Variants in NFIC observed in about 807,000 individuals in gnomAD.
NFIC encodes nuclear factor 1 C-type.
NFIC carries 12 observed loss-of-function variants against 54.4 expected under a neutral mutation model. The observed-to-expected ratio is 0.22, with a 90% CI of 0.14 to 0.36. NFIC has a LOEUF of 0.36. Ranked by LOEUF, NFIC falls within the 10% of genes least tolerant of loss-of-function variation. The pLI, the probability that NFIC is intolerant of heterozygous loss-of-function variation, is 1.00. For synonymous variants in NFIC, 322 were observed against 319.2 expected, an observed-to-expected ratio of 1.01 and a Z score of -0.09; for missense variants, 575 against 718.2, an observed-to-expected ratio of 0.80 and a Z score of 2.28.
chr19:3,378,457 G>C (rs1189007646), intron 1 of NFIC, among the ~76,000 whole-genome samples: 1 of 152,160 alleles, frequency 6.6e-6, no homozygotes, highest in Non-Finnish European at 1.5e-5. Context: ...AATGGGAGGG[G>C]CCTCCCCACA....
chr19:3,394,523 A>C (rs57097974), intron 2 of NFIC, among the ~76,000 whole-genome samples: 7,884 of 49,410 alleles, frequency 0.16, 236 homozygotes, highest in Admixed American at 0.17. Context: ...TTCCCCACCC[A>C]CCCCCCACCC....
chr19:3,368,454 A>T (rs2145427056), intron 1 of NFIC, among the ~76,000 whole-genome samples: 1 of 152,314 alleles, frequency 6.6e-6, no homozygotes, highest in African/African-American at 2.4e-5. Context: ...TGTCTGTGGA[A>T]ACCAAAAAAC....
intron 2 of NFIC, among the ~76,000 whole-genome samples, chr19:3,405,147 C>T (rs551959411): frequency 6.6e-6 from 1 of 152,326 alleles, no homozygotes; most frequent in Admixed American, 6.5e-5. Context: ...CCAGGCGGCC[C>T]GGCGGCAGGG....
Position 3,459,050 on chromosome 19 carries a change from T to TC in NFIC, c.1509+2419dup, listed in dbSNP as rs2082602432. On this transcript the variant is annotated intron_variant, in intron 10 of 10. Transcript: ENST00000443272. This position sits in a 1 kb window ranked among gnomAD's most constrained non-coding sequence, Gnocchi z 4.2. Reference sequence around the variant, plus strand: ...GGGAAGAAGCAGTGAGATCCCGCTCTCCCCTCTCCCAGCTCCCGCTCAAAG... The same window carrying TC: ...GGGAAGAAGCAGTGAGATCCCGCTCTCCCCCTCTCCCAGCTCCCGCTCAAAG... Among the ~76,000 whole-genome samples, 1 of 151,958 alleles carries TC rather than the reference T, an allele frequency of 6.6e-6. No homozygotes were observed. Among genetic ancestry groups the TC allele is most frequent in the African/African-American group, 2.4e-5 (1 of 41,336 alleles).
At chr19:3,455,981 C>T (rs1307640344) in intron 9 of NFIC, among the ~76,000 whole-genome samples, 1 of 152,170 alleles carries the variant, frequency 6.6e-6, no homozygotes, top group East Asian at 1.9e-4. Flanking sequence ...AGCTTCTTCT[C>T]CCCCTACCTG....
In NFIC at chr19:3,459,454, C is replaced by A. The variant is rs1006751448; in HGVS notation, c.1509+2819C>A. 4.7e-5 allele frequency among the ~76,000 whole-genome samples: 7 copies of A among 150,294 alleles called. No individual in the cohort carries two copies. Among genetic ancestry groups the A allele is most frequent in the African/African-American group, 1.5e-4 (6 of 39,636 alleles). ...AACCCACGTAAGCAGCTGGGTAAAC[C>A]GAGGGTGGGGGGCAAGGCGGGCATT... On this transcript the variant is annotated intron_variant, in intron 10 of 10. Coordinates refer to ENST00000443272, the MANE Select transcript of NFIC (RefSeq NM_001245002.2). The surrounding 1 kb of genome is among the most constrained non-coding windows in gnomAD (Gnocchi z 4.2).
intron 2 of NFIC, among the ~76,000 whole-genome samples, chr19:3,422,485 A>G (rs1471109474): frequency 6.6e-6 from 1 of 151,464 alleles, no homozygotes; most frequent in African/African-American, 2.4e-5. Context: ...TGGGAGGCCG[A>G]GGCGGGCGGA....
At chr19:3,428,220 G>A (rs1461173062) in intron 3 of NFIC, among the ~76,000 whole-genome samples, 2 of 151,288 alleles carry the variant, frequency 1.3e-5, no homozygotes, top group East Asian at 1.9e-4. Context: ...GGGCCAGGGC[G>A]CAGTGGCTTA....
intron 5 of NFIC, 46 bp downstream of exon 5, chr19:3,434,446 A>C: frequency 6.5e-7 from 1 of 1,548,256 alleles, no homozygotes; most frequent in Non-Finnish European, 8.7e-7. Context: ...GACCCCATTC[A>C]TCAACCCATC....
At position 3,467,862 on chromosome 19, in the gene NFIC, G is replaced by A. The variant is rs192998513; in HGVS notation, c.*5093G>A. ...GTATCTTGGTCTGGATTCTCTCTCT[G>A]AGACCCCGGATTTTACTTTCTCTTT... On this transcript the variant is annotated 3_prime_UTR_variant, in exon 11 of 11. Coordinates refer to ENST00000443272, the MANE Select transcript of NFIC (RefSeq NM_001245002.2). 1 of 147,452 alleles carries A rather than the reference G, an allele frequency of 6.8e-6. No homozygotes were observed. The highest frequency in any genetic ancestry group is 2.5e-5 in the African/African-American group (1 of 39,308). 9.1% of individuals were successfully genotyped at this position (147,452 alleles called of 1,614,324 possible). A position where few individuals can be genotyped will look rare whatever the true frequency, so the allele number is the denominator to read the frequency against.
chr19:3,381,655 G>A, intron 1 of NFIC, 57 bp from the exon 2 acceptor site: 1 of 1,576,008 alleles, frequency 6.3e-7, no homozygotes, highest in Non-Finnish European at 8.6e-7. Flanking sequence ...GGGCCGGGCA[G>A]TGGGTCCGCC....
At chr19:3,425,918 CTTTTTTTTTTTTTTTTTTTTTTT>C (rs869165549) in intron 3 of NFIC, among the ~76,000 whole-genome samples, 5 of 54,488 alleles carry the variant, frequency 9.2e-5, no homozygotes, top group East Asian at 6.4e-4. Flanking sequence ...CCATGCCTGG[CTTTTTTTTTTTTTTTTTTTTTTT>C]TTTTTTTTTT....
intron 7 of NFIC, 89 bp downstream of exon 7, chr19:3,449,228 C>G (rs1222177135): frequency 6.6e-7 from 1 of 1,512,848 alleles, no homozygotes; most frequent in Non-Finnish European, 8.8e-7. Context: ...GATGTCTGAC[C>G]ATGAGTCCTA....
At chr19:3,419,790 C>G (rs2081924410) in intron 2 of NFIC, among the ~76,000 whole-genome samples, 1 of 133,728 alleles carries the variant, frequency 7.5e-6, no homozygotes, top group South Asian at 2.4e-4. Context: ...CACAGCGATA[C>G]TCTGTTCCAA....
At position 3,369,827 on chromosome 19, in the gene NFIC, C is replaced by G. The variant is rs554102056; in HGVS notation, c.30+3161C>G. 1.3e-5 allele frequency among the ~76,000 whole-genome samples: 2 copies of G among 152,206 alleles called. No homozygotes were observed. Among genetic ancestry groups the G allele is most frequent in the African/African-American group, 2.4e-5 (1 of 41,456 alleles). On this transcript the variant is annotated intron_variant, in intron 1 of 10. Transcript: ENST00000443272. The surrounding 1 kb of genome is among the most constrained non-coding windows in gnomAD (Gnocchi z 4.3). ...CAAGTCCCTCTTGGCCGCAGCGTGGCGGATTCCCCGAGCCACCTCCATCCC... is the reference window on the plus strand; with the variant it reads ...CAAGTCCCTCTTGGCCGCAGCGTGGGGGATTCCCCGAGCCACCTCCATCCC...
intron 3 of NFIC, among the ~76,000 whole-genome samples, chr19:3,425,759 CTGTT>C (rs1302787353): frequency 1.3e-5 from 2 of 148,262 alleles, no homozygotes; most frequent in African/African-American, 2.5e-5. Flanking sequence ...CGTGCCCGGC[CTGTT>C]TGTTTGTCTT....
intron 2 of NFIC, among the ~76,000 whole-genome samples, chr19:3,390,651 G>A (rs1599598202): frequency 6.6e-6 from 1 of 152,138 alleles, no homozygotes; most frequent in South Asian, 2.1e-4. Context: ...GACAGGGCCT[G>A]GTATACAGTA....
chr19:3,380,162 G>C (rs1281115587), intron 1 of NFIC, among the ~76,000 whole-genome samples: 1 of 150,474 alleles, frequency 6.6e-6, no homozygotes, highest in Non-Finnish European at 1.5e-5. Flanking sequence ...CACCACGCCC[G>C]GCTAATTTTT....
At chr19:3,441,559 G>A (rs533808348) in intron 6 of NFIC, among the ~76,000 whole-genome samples, 9 of 152,374 alleles carry the variant, frequency 5.9e-5, no homozygotes, top group Admixed American at 2.6e-4. Context: ...CAAGGGGGAC[G>A]CCTCAGAACA....
Sources: allele counts gnomAD v4.1 joint callset (sites outside exome capture counted in the v4.1 genomes callset), GRCh38; gene constraint gnomAD v4.1.1; non-coding constraint Gnocchi (gnomAD v3.1); transcripts MANE v1.5; gene names NCBI Gene and HGNC (gene_info 2026-07-23, HGNC 2026-07-21).